The following CACNA1C variants were observed in gnomAD, a reference collection of about 807,000 sequenced individuals.
CACNA1C encodes the protein calcium voltage-gated channel subunit alpha1 C, also known as voltage-dependent L-type calcium channel subunit alpha-1C.
CACNA1C carries 30 observed loss-of-function variants against 229.0 expected under a neutral mutation model. That is an observed-to-expected ratio of 0.13 (90% CI 0.10 to 0.18). CACNA1C has a LOEUF of 0.18. Among genes scored for constraint, CACNA1C ranks in the 10% least tolerant of loss-of-function variants. The pLI is 1.00. For missense variants in CACNA1C, 1,658 were observed against 2,845.0 expected, an observed-to-expected ratio of 0.58 and a Z score of 9.49; for synonymous variants, 1,114 against 1,132.5, an observed-to-expected ratio of 0.98 and a Z score of 0.33.
chr12:2,046,985 C>A (rs2051182867), intron 1 of CACNA1C, among the ~76,000 whole-genome samples: 1 of 152,182 alleles, frequency 6.6e-6, no homozygotes, highest in Admixed American at 6.5e-5. Flanking sequence ...CCATTCTGCA[C>A]CCTCTTCAGC....
chr12:2,004,252 G>A, intron 1 of CACNA1C: 1 of 1,611,696 alleles, frequency 6.2e-7, no homozygotes, highest in Non-Finnish European at 8.5e-7. Context: ...CCAACCCTGG[G>A]CTGCACTGCT....
chr12:2,397,261 T>G (rs2098600671), intron 3 of CACNA1C, among the ~76,000 whole-genome samples: 1 of 152,250 alleles, frequency 6.6e-6, no homozygotes, highest in Non-Finnish European at 1.5e-5. Context: ...TATTGGGTTT[T>G]GTTTTGTTTG....
chr12:2,573,204 T>G (rs902606180), intron 13 of CACNA1C, among the ~76,000 whole-genome samples: 7 of 152,114 alleles, frequency 4.6e-5, no homozygotes, highest in African/African-American at 1.7e-4. Context: ...ATAAGTGCCA[T>G]GTCTGGCTAA....
intron 3 of CACNA1C, among the ~76,000 whole-genome samples, chr12:2,419,606 G>A (rs1437164126): frequency 6.6e-6 from 1 of 152,132 alleles, no homozygotes; most frequent in Non-Finnish European, 1.5e-5. Context: ...ATAAGCAGGG[G>A]CCCCGCAGTC....
At chr12:2,398,196 C>CT (rs536325403) in intron 3 of CACNA1C, among the ~76,000 whole-genome samples, 46 of 152,362 alleles carry the variant, frequency 3.0e-4, no homozygotes, top group Admixed American at 1.5e-3. Flanking sequence ...TTCCACTGTT[C>CT]TTGGGCAAAA....
chr12:2,129,786 C>A (rs1298458899), intron 3 of CACNA1C, among the ~76,000 whole-genome samples: 3 of 152,174 alleles, frequency 2.0e-5, no homozygotes, highest in African/African-American at 4.8e-5. Context: ...TGGGATGTGC[C>A]TTTCATGCAC....
At chr12:2,089,288 G>C (rs1417315860) in intron 1 of CACNA1C, among the ~76,000 whole-genome samples, 4 of 152,206 alleles carry the variant, frequency 2.6e-5, no homozygotes, top group African/African-American at 9.7e-5. Flanking sequence ...GTGGGGGCGA[G>C]TGGTAGACTA....
intron 3 of CACNA1C, among the ~76,000 whole-genome samples, chr12:2,240,617 C>T (rs1158218357): frequency 6.6e-6 from 1 of 152,194 alleles, no homozygotes; most frequent in East Asian, 1.9e-4. Context: ...CCAGCGTCAG[C>T]GTTGGGCACA....
chr12:2,641,644 G>A, intron 30 of CACNA1C: 2 of 693,178 alleles, frequency 2.9e-6, no homozygotes, highest in African/African-American at 1.8e-5. Context: ...AGTGATTCCA[G>A]CACAGTCATT....
intron 1 of CACNA1C, among the ~76,000 whole-genome samples, chr12:1,980,613 C>A (rs897612854): frequency 2.9e-5 from 4 of 135,742 alleles, no homozygotes; most frequent in Admixed American, 2.9e-4. Context: ...TAAAATTTAT[C>A]ATTTTTTGTT....
intron 30 of CACNA1C, among the ~76,000 whole-genome samples, chr12:2,636,566 AT>A (rs2092735080): frequency 6.6e-6 from 1 of 152,118 alleles, no homozygotes; most frequent in Non-Finnish European, 1.5e-5. Context: ...AAGAATTCTC[AT>A]CCCCAATTTG....
chr12:2,631,892 G>A (rs967834947), intron 29 of CACNA1C, among the ~76,000 whole-genome samples: 3 of 152,150 alleles, frequency 2.0e-5, no homozygotes, highest in Admixed American at 6.5e-5. Flanking sequence ...CATGTCTTTC[G>A]GTCCCTCTGG....
intron 10 of CACNA1C, chr12:2,550,658 T>C: frequency 7.4e-7 from 1 of 1,348,472 alleles, no homozygotes; most frequent in Non-Finnish European, 9.8e-7. Context: ...GTCAGACCAG[T>C]CCCAGGTACA....
In CACNA1C at chr12:2,581,611, C is replaced by T. The variant is rs1057524804; in HGVS notation, c.1917C>T (p.Asn639=). The change falls in exon 14 of 47, where the codon AAC becomes AAT. Residue 639 remains asparagine, a synonymous_variant. Transcript: ENST00000399655. ...KITRYWNSLS[N]LVASLLNSVR... The stretch of plus-strand genomic sequence containing the variant: ...TCAGGTACTGGAACTCCTTGAGCAA[C>T]CTGGTGGCATCCTTGCTGAACTCTG... 6.4e-7 allele frequency: 1 copy of T among 1,569,778 alleles called. No individual in the cohort carries two copies. The highest frequency in any genetic ancestry group is 8.6e-7 in the Non-Finnish European group (1 of 1,156,694).
intron 3 of CACNA1C, among the ~76,000 whole-genome samples, chr12:2,124,584 G>T (rs916991338): frequency 1.7e-4 from 26 of 152,232 alleles, no homozygotes; most frequent in African/African-American, 5.5e-4. Context: ...GCATGAGGAA[G>T]ATGGCTCAGA....
intron 3 of CACNA1C, among the ~76,000 whole-genome samples, chr12:2,427,302 T>G (rs967921112): frequency 2.6e-5 from 4 of 152,198 alleles, no homozygotes; most frequent in Non-Finnish European, 5.9e-5. Context: ...TGTTCTTTAT[T>G]CTAGTATTGC....
At chr12:2,638,982 G>A (rs936730016) in intron 30 of CACNA1C, among the ~76,000 whole-genome samples, 6 of 152,248 alleles carry the variant, frequency 3.9e-5, no homozygotes, top group Admixed American at 3.9e-4. Flanking sequence ...ACAAGAGGCA[G>A]AGGAGCGGAG....
At chr12:2,663,912 T>G (rs2095915481) in intron 34 of CACNA1C, among the ~76,000 whole-genome samples, 1 of 151,200 alleles carries the variant, frequency 6.6e-6, no homozygotes, top group Non-Finnish European at 1.5e-5. Flanking sequence ...CGGCTAATTT[T>G]TGTATTTTTA....
chr12:2,563,875 A>C (rs1280045184), intron 11 of CACNA1C, among the ~76,000 whole-genome samples: 1 of 152,206 alleles, frequency 6.6e-6, no homozygotes, highest in Non-Finnish European at 1.5e-5. Context: ...GGGCACACCC[A>C]CATGTGGTGC....
Sources: gnomAD v4.1 joint callset for allele counts (sites outside exome capture counted in the v4.1 genomes callset) on GRCh38, gnomAD v4.1.1 for gene constraint, MANE v1.5 for transcripts, NCBI Gene and HGNC (gene_info 2026-07-23, HGNC 2026-07-21) for gene names.